Variants in CAST observed in about 807,000 individuals in gnomAD.
CAST encodes the protein calpastatin, also known as MIR583 host.
Under a neutral mutation model 119.6 loss-of-function variants are expected in CAST, and 76 were observed. That is an observed-to-expected ratio of 0.64 (90% CI 0.53 to 0.77). The LOEUF is 0.77. CAST is among the 30% of genes least tolerant of loss of function. CAST has a pLI of 0.00. For missense variants in CAST, 953 were observed against 946.5 expected, an observed-to-expected ratio of 1.01 and a Z score of -0.09; for synonymous variants, 319 against 331.6, an observed-to-expected ratio of 0.96 and a Z score of 0.41.
the CAST span, among the ~76,000 whole-genome samples, chr5:96,050,360 A>AAC: frequency 6.6e-6 from 1 of 152,056 alleles, no homozygotes; most frequent in African/African-American, 2.4e-5. Context: ...AGACAGAAAG[A>AAC]ATTCTGAAGT....
At chr5:96,108,225 G>C in the CAST span, among the ~76,000 whole-genome samples, 3 of 152,216 alleles carry the variant, frequency 2.0e-5, no homozygotes, top group Non-Finnish European at 4.4e-5. Context: ...CTCTCAGCTC[G>C]TCAAAGTCAT....
the CAST span, among the ~76,000 whole-genome samples, chr5:96,164,567 G>A: frequency 2.9e-3 from 440 of 152,286 alleles, 1 homozygote; most frequent in Non-Finnish European, 3.8e-3. Context: ...CAATCAGTTC[G>A]CAAACATTTA....
the CAST span, among the ~76,000 whole-genome samples, chr5:96,376,955 A>G: frequency 6.6e-6 from 1 of 152,094 alleles, no homozygotes; most frequent in Non-Finnish European, 1.5e-5. Flanking sequence ...GATAATCCTG[A>G]TTCTGTGTAG....
upstream of CAST, among the ~76,000 whole-genome samples, chr5:96,528,414 TG>T (rs1316234776): frequency 6.6e-6 from 1 of 152,124 alleles, no homozygotes; most frequent in East Asian, 1.9e-4. Context: ...CCCCTTCCAC[TG>T]GGCCCCTCCT....
chr5:96,691,972 G>A (rs1752775412), intron 2 of CAST, among the ~76,000 whole-genome samples: 1 of 152,124 alleles, frequency 6.6e-6, no homozygotes, highest in African/African-American at 2.4e-5. Flanking sequence ...TTAAAGACTC[G>A]AGTTCTGATT....
chr5:96,588,771 A>G (rs995436333), intron 1 of CAST, among the ~76,000 whole-genome samples: 4 of 152,184 alleles, frequency 2.6e-5, no homozygotes, highest in Non-Finnish European at 5.9e-5. Flanking sequence ...ATCCATAGTC[A>G]TTCACTTTGT....
the CAST span, among the ~76,000 whole-genome samples, chr5:96,059,779 G>A: frequency 7.2e-5 from 11 of 152,094 alleles, no homozygotes; most frequent in Non-Finnish European, 1.6e-4. Context: ...TTGGCCTGTG[G>A]GGTGAGAGTA....
At chr5:96,567,542 A>T (rs779509162) in intron 1 of CAST, among the ~76,000 whole-genome samples, 1 of 152,154 alleles carries the variant, frequency 6.6e-6, no homozygotes, top group Non-Finnish European at 1.5e-5. Context: ...CTTCCTCCAT[A>T]AAGGTGTTCT....
chr5:96,620,343 T>A (rs1042793899), intron 1 of CAST, among the ~76,000 whole-genome samples: 2 of 151,576 alleles, frequency 1.3e-5, no homozygotes, highest in Non-Finnish European at 2.9e-5. Context: ...TTTGTGATGG[T>A]ATAAAAGTGA....
At chr5:96,502,285 C>T in the CAST span, among the ~76,000 whole-genome samples, 3 of 152,076 alleles carry the variant, frequency 2.0e-5, no homozygotes, top group Non-Finnish European at 4.4e-5. Context: ...AATATCTTGA[C>T]GTGTATTGTC....
chr5:96,561,843 A>G (rs1459461245), intron 1 of CAST, among the ~76,000 whole-genome samples: 3 of 110,784 alleles, frequency 2.7e-5, no homozygotes, highest in African/African-American at 1.1e-4. Flanking sequence ...CCCAGGCTGG[A>G]GTGCAGTGGC....
chr5:96,454,589 T>TCCTATA, the CAST span, among the ~76,000 whole-genome samples: 1 of 152,176 alleles, frequency 6.6e-6, no homozygotes, highest in Non-Finnish European at 1.5e-5. Flanking sequence ...TGAGTGTCTG[T>TCCTATA]CCTATACCTG....
At chr5:96,761,336 A>G (rs1418492706) in intron 24 of CAST, 4 of 152,256 alleles carry the variant, frequency 2.6e-5, no homozygotes, top group Non-Finnish European at 5.9e-5. Flanking sequence ...TCATAACTAA[A>G]AATGAATTTA....
the CAST span, among the ~76,000 whole-genome samples, chr5:96,477,763 T>C: frequency 6.6e-6 from 1 of 152,200 alleles, no homozygotes; most frequent in Admixed American, 6.5e-5. Context: ...AAGTGCCGTG[T>C]TGGAACTTAT....
chr5:96,472,755 A>C, the CAST span, among the ~76,000 whole-genome samples: 4,702 of 152,304 alleles, frequency 0.031, 218 homozygotes, highest in African/African-American at 0.1. Context: ...CTAATGTAAG[A>C]AGGTATGATA....
At chr5:96,037,061 C>T in the CAST span, among the ~76,000 whole-genome samples, 4 of 152,056 alleles carry the variant, frequency 2.6e-5, no homozygotes, top group African/African-American at 9.7e-5. Flanking sequence ...AGTCTTGACA[C>T]TAATAATCTT....
At chr5:96,284,276 T>C in the CAST span, among the ~76,000 whole-genome samples, 1 of 152,186 alleles carries the variant, frequency 6.6e-6, no homozygotes, top group African/African-American at 2.4e-5. Flanking sequence ...AGAATAACTA[T>C]TGGCTGGATC....
chr5:96,150,641 G>T, the CAST span, among the ~76,000 whole-genome samples: 10 of 152,306 alleles, frequency 6.6e-5, no homozygotes, highest in South Asian at 2.1e-3. Context: ...TGACTCTGAG[G>T]AAGGAGCAGA....
chr5:96,402,991 C>A, the CAST span, among the ~76,000 whole-genome samples: 1 of 152,122 alleles, frequency 6.6e-6, no homozygotes, highest in Non-Finnish European at 1.5e-5. Flanking sequence ...CTTATCAAGG[C>A]AGTCAATGGG....
Sources: gnomAD v4.1 joint callset for allele counts (sites outside exome capture counted in the v4.1 genomes callset) on GRCh38, gnomAD v4.1.1 for gene constraint, MANE v1.5 for transcripts, NCBI Gene and HGNC (gene_info 2026-07-23, HGNC 2026-07-21) for gene names.